Variants in MEIS2 observed in about 807,000 individuals in gnomAD.
The protein encoded by MEIS2 is homeobox protein Meis2.
MEIS2 carries 9 observed loss-of-function variants against 58.6 expected under a neutral mutation model. That is an observed-to-expected ratio of 0.15 (90% CI 0.09 to 0.27). The LOEUF (loss-of-function observed/expected upper bound fraction) is 0.27, where lower values mean the gene tolerates loss of function less well. MEIS2 is among the 10% of genes least tolerant of loss of function. The pLI, the probability that MEIS2 is intolerant of heterozygous loss-of-function variation, is 1.00. For missense variants in MEIS2, 427 were observed against 635.0 expected, an observed-to-expected ratio of 0.67 and a Z score of 3.52; for synonymous variants, 221 against 228.4, an observed-to-expected ratio of 0.97 and a Z score of 0.29.
At chr15:36,957,996 T>C (rs529641974) in intron 8 of MEIS2, among the ~76,000 whole-genome samples, 5 of 152,320 alleles carry the variant, frequency 3.3e-5, no homozygotes, top group South Asian at 2.1e-4. Context: ...TTCAAATTAG[T>C]AATGTTTTTT....
intron 8 of MEIS2, chr15:37,036,607 T>C (rs988805972): frequency 1.0e-5 from 5 of 479,832 alleles, no homozygotes; most frequent in Non-Finnish European, 1.1e-5. Flanking sequence ...TCCCAGCTTC[T>C]TAAAACAAAA....
chr15:36,924,177 C>T (rs924843738), intron 9 of MEIS2, among the ~76,000 whole-genome samples: 1 of 152,006 alleles, frequency 6.6e-6, no homozygotes, highest in Non-Finnish European at 1.5e-5. Flanking sequence ...TAAATAATGG[C>T]GGGAATATAA....
Position 37,098,120 on chromosome 15 carries a change from C to T in MEIS2, c.92G>A (p.Arg31Gln). 1 of 1,613,432 alleles carries T rather than the reference C, an allele frequency of 6.2e-7. No individual in the cohort carries two copies. Among genetic ancestry groups the T allele is most frequent in the Non-Finnish European group, 8.5e-7 (1 of 1,179,858 alleles). Residue 31 changes from arginine (R) to glutamine (Q), a missense_variant, in exon 2 of 12, where the codon CGG becomes CAG. Transcript: ENST00000561208. ...CAGGTGGTGAACCGGGGGGATCGGC[C>T]GCGGCGCGTGAGGGTCTCCGTACAT... ...ASMYGDPHAP[R>Q]PIPPVHHLNH...
At chr15:37,022,950 C>T (rs1330180177) in intron 8 of MEIS2, among the ~76,000 whole-genome samples, 1 of 152,164 alleles carries the variant, frequency 6.6e-6, no homozygotes, top group Admixed American at 6.5e-5. Context: ...CCACTGTGCC[C>T]AGCCTGCTTC....
intron 9 of MEIS2, among the ~76,000 whole-genome samples, chr15:36,921,165 T>A (rs997069151): frequency 3.3e-5 from 5 of 152,282 alleles, no homozygotes; most frequent in African/African-American, 1.2e-4. Context: ...TTTAATGAGA[T>A]GTTTGCCTTG....
rs1443105965 is a variant in MEIS2 at position 37,098,380 on chromosome 15, GAGA to G, written c.13-184_13-182del. Reference sequence around the variant, plus strand: ...AGGAGGAGGAAAAGGAGGAGAGGGGGAGAGAGAGAGAGAGAGAGAGAGAGAGAG... The same window carrying G: ...AGGAGGAGGAAAAGGAGGAGAGGGGGGAGAGAGAGAGAGAGAGAGAGAGAG... On this transcript the variant is annotated intron_variant, in intron 1 of 11. Transcript: ENST00000561208. 330 of 335,668 alleles carry G rather than the reference GAGA, an allele frequency of 9.8e-4. 4 individuals are homozygous for G. The African/African-American group carries it at 0.031, about 32-fold the overall frequency. The allele number at this position is 335,668 out of a possible 1,614,324, so 20.8% of individuals were successfully genotyped here.
intron 8 of MEIS2, among the ~76,000 whole-genome samples, chr15:37,003,340 A>AAACAACAAC (rs35132063): frequency 6.6e-6 from 1 of 151,262 alleles, no homozygotes; most frequent in East Asian, 1.9e-4. Flanking sequence ...CTTCCAGGGT[A>AAACAACAAC]AACAACAACA....
chr15:36,915,462 T>C lies in MEIS2; in HGVS notation c.978-18776A>G, dbSNP rs140352309. 1.9e-3 allele frequency among the ~76,000 whole-genome samples: 289 copies of C among 152,308 alleles called. 2 individuals carry two copies. Among genetic ancestry groups the C allele is most frequent in the African/African-American group, 6.7e-3 (280 of 41,570 alleles). ...TCAGTGTTTGGGAAACACTGATTTATGTTTTATATTTTGAAGGAAAATTTA... is the reference window on the plus strand; with the variant it reads ...TCAGTGTTTGGGAAACACTGATTTACGTTTTATATTTTGAAGGAAAATTTA... On this transcript the variant is annotated intron_variant, in intron 9 of 11. Coordinates refer to ENST00000561208, the MANE Select transcript of MEIS2 (RefSeq NM_170675.5).
chr15:36,956,271 C>T (rs891680121), intron 8 of MEIS2, among the ~76,000 whole-genome samples: 6 of 151,168 alleles, frequency 4.0e-5, no homozygotes, highest in Non-Finnish European at 5.9e-5. Context: ...ATAAGGAAAC[C>T]GAGGCTCACA....
chr15:37,035,520 A>T (rs2141730490), intron 8 of MEIS2, among the ~76,000 whole-genome samples: 1 of 152,258 alleles, frequency 6.6e-6, no homozygotes, highest in South Asian at 2.1e-4. Flanking sequence ...CAGTCCAGAG[A>T]CCGCATGTTC....
intron 7 of MEIS2, among the ~76,000 whole-genome samples, chr15:37,048,111 T>C (rs1007221214): frequency 9.9e-5 from 15 of 152,158 alleles, no homozygotes; most frequent in African/African-American, 3.6e-4. Context: ...ATATGGCCTT[T>C]ATATTTGCAA....
chr15:36,991,058 T>C (rs2060254331), intron 8 of MEIS2, among the ~76,000 whole-genome samples: 1 of 152,174 alleles, frequency 6.6e-6, no homozygotes, highest in Admixed American at 6.5e-5. Flanking sequence ...CATGTTAAAA[T>C]ATATTATTTA....
chr15:36,957,231 T>A (rs1409917773), intron 8 of MEIS2, among the ~76,000 whole-genome samples: 1 of 152,192 alleles, frequency 6.6e-6, no homozygotes, highest in Non-Finnish European at 1.5e-5. Flanking sequence ...TTTAGCATGT[T>A]TTTTGTGTAA....
intron 2 of MEIS2, 112 bp downstream of exon 2, chr15:37,097,855 C>T: frequency 7.1e-6 from 10 of 1,413,006 alleles, no homozygotes; most frequent in Non-Finnish European, 9.3e-6. Flanking sequence ...CGCCCGCCCC[C>T]CACCATACAG....
At chr15:37,083,929 A>G in intron 6 of MEIS2, 44 bp from the exon 7 acceptor site, 1 of 1,564,778 alleles carries the variant, frequency 6.4e-7, no homozygotes, top group Non-Finnish European at 8.8e-7. Flanking sequence ...TTACCATTTC[A>G]GCCATCAATG....
intron 8 of MEIS2, among the ~76,000 whole-genome samples, chr15:36,991,856 C>T (rs1418702583): frequency 9.7e-4 from 119 of 122,508 alleles, no homozygotes; most frequent in Non-Finnish European, 1.5e-3. Context: ...GGCGGGATCT[C>T]GGCTCACTGC....
intron 8 of MEIS2, among the ~76,000 whole-genome samples, chr15:37,008,223 A>G (rs1291731417): frequency 6.6e-6 from 1 of 152,254 alleles, no homozygotes; most frequent in Non-Finnish European, 1.5e-5. Context: ...TCGCTCTAGG[A>G]CAATGAACTT....
Position 37,078,920 on chromosome 15 carries a change from G to A in MEIS2, c.754+4851C>T, listed in dbSNP as rs140572501. Among the ~76,000 whole-genome samples, 1,266 of 152,048 alleles carry A rather than the reference G, an allele frequency of 8.3e-3. 7 individuals are homozygous for A. Among genetic ancestry groups the A allele is most frequent in the Middle Eastern group, 0.014 (4 of 292 alleles). ...TTTCTCAAGTAAGTTGATACATATA[G>A]GAAGAAATTACTCAAAATTAACAGC... On this transcript the variant is annotated intron_variant, in intron 7 of 11. Transcript: ENST00000561208.
chr15:36,991,792 T>C (rs1050063518), intron 8 of MEIS2, among the ~76,000 whole-genome samples: 11 of 122,938 alleles, frequency 8.9e-5, no homozygotes, highest in African/African-American at 3.1e-4. Context: ...TCTTTTTTTT[T>C]TTTTTTTTTT....
Sources: allele counts gnomAD v4.1 joint callset (sites outside exome capture counted in the v4.1 genomes callset), GRCh38; gene constraint gnomAD v4.1.1; transcripts MANE v1.5; gene names NCBI Gene and HGNC (gene_info 2026-07-23, HGNC 2026-07-21).